Variants in TLE6 observed in about 807,000 individuals in gnomAD.
TLE6 encodes TLE family member 6, subcortical maternal complex member.
TLE6 carries 72 observed loss-of-function variants against 77.1 expected under a neutral mutation model. The observed-to-expected ratio is 0.93, with a 90% CI of 0.77 to 1.14. The LOEUF is 1.14. TLE6 is among the 50% of genes most tolerant of loss of function. TLE6 has a pLI of 0.00. For synonymous variants in TLE6, 366 were observed against 287.3 expected (o/e 1.27, Z -2.77); for missense variants, 843 against 747.6 (o/e 1.13, Z -1.49).
rs766902725 is a variant in TLE6 at position 2,980,135 on chromosome 19, G to A, written c.87G>A (p.Pro29=). 14 of 1,550,234 alleles carry A rather than the reference G, an allele frequency of 9.0e-6. No homozygotes were observed. The South Asian group carries it at 1.1e-4, about 12-fold the overall frequency. Residue 29 remains proline, a synonymous_variant, in exon 3 of 17, where the codon CCG becomes CCA. Coordinates refer to ENST00000246112, the MANE Select transcript of TLE6 (RefSeq NM_001143986.2). ...GGATCTCGAACTCTGAGAGCTCTCC[G>A]ACGCTGAATTATCAGGGCATTCTAA... The part of the protein sequence containing the change: ...CPGISNSESS[P]TLNYQGILNR...
chr19:2,988,975 A>C (rs191212359), intron 11 of TLE6, 86 bp from the exon 12 acceptor site: 27 of 1,545,836 alleles, frequency 1.7e-5, no homozygotes, highest in Non-Finnish European at 2.2e-5. Context: ...TCTGAAAAAG[A>C]AGCCCCTCTA....
chr19:2,992,011 T>A lies in TLE6; in HGVS notation c.1386+27T>A, dbSNP rs764266072. 72 of 1,609,562 alleles carry A rather than the reference T, an allele frequency of 4.5e-5. No individual in the cohort carries two copies. In the Middle Eastern group the frequency reaches 2.8e-3, roughly 63 times the overall value. ...TGCGGAGGCCGGGATGGGGTCTGCT[T>A]GGCCAGGCATCCTCTGGTCCTCAGA... On this transcript the variant is annotated intron_variant, in intron 14 of 16. Transcript: ENST00000246112.
rs1599176358 is a variant in TLE6 at position 2,994,167 on chromosome 19, CCT to C, written c.1614+73_1614+74del. 13 of 1,322,962 alleles carry C rather than the reference CCT, an allele frequency of 9.8e-6. No homozygotes were observed. The East Asian group carries it at 3.2e-4, about 32-fold the overall frequency. The allele number at this position is 1,322,962 out of a possible 1,614,324, so 82.0% of individuals were successfully genotyped here. A position where few individuals can be genotyped will look rare whatever the true frequency, so the allele number is the denominator to read the frequency against. On this transcript the variant is annotated intron_variant, in intron 16 of 16. Coordinates refer to ENST00000246112, the MANE Select transcript of TLE6 (RefSeq NM_001143986.2). ...ACCAGCCTGGGCAACACAGCAAGAC[CCT>C]GTCTCCACAAAAAACTTAAAAAGTA...
At chr19:2,980,244 C>CTA in intron 3 of TLE6, 62 bp downstream of exon 3, 1 of 1,410,636 alleles carries the variant, frequency 7.1e-7, no homozygotes, top group Non-Finnish European at 9.7e-7. Flanking sequence ...TGGCCTCTCT[C>CTA]CCGGGGGTCC....
intron 5 of TLE6, chr19:2,984,464 C>T (rs534495798): frequency 6.6e-6 from 1 of 151,936 alleles, no homozygotes; most frequent in Non-Finnish European, 1.5e-5. Flanking sequence ...GGATCACTCG[C>T]CTTGCTTTCT....
intron 13 of TLE6, among the ~76,000 whole-genome samples, chr19:2,990,271 A>C (rs1282434978): frequency 6.6e-6 from 1 of 151,782 alleles, no homozygotes; most frequent in East Asian, 1.9e-4. Flanking sequence ...TTTAATAAAA[A>C]TTAAATAGAA....
chr19:2,989,204 G>A lies in TLE6; in HGVS notation c.884G>A (p.Ser295Asn), dbSNP rs1199763375. Residue 295 changes from serine to asparagine, a missense_variant, in exon 12 of 17, where the codon AGC becomes AAC. Physicochemically the swap from Ser to Asn is conservative, Grantham distance 46. Coordinates refer to ENST00000246112, the MANE Select transcript of TLE6 (RefSeq NM_001143986.2). ...HGELVLATAISSFTRHVFTCG... is the reference protein window; with the variant it reads ...HGELVLATAINSFTRHVFTCG... ...GAGCTCGTGCTCGCCACGGCCATCAGCAGCTTCACGCGGCACGTGTTCACC... is the reference window on the plus strand; with the variant it reads ...GAGCTCGTGCTCGCCACGGCCATCAACAGCTTCACGCGGCACGTGTTCACC... 6.2e-7 allele frequency: 1 copy of A among 1,614,156 alleles called. No homozygotes were observed. Among genetic ancestry groups the A allele is most frequent in the Admixed American group, 1.7e-5 (1 of 60,022 alleles).
chr19:2,984,434 A>G (rs2088866617), intron 5 of TLE6: 1 of 147,136 alleles, frequency 6.8e-6, no homozygotes, highest in Non-Finnish European at 1.5e-5. Flanking sequence ...GCCTTTTTGT[A>G]GAAAAAAACT....
chr19:2,980,831 G>A (rs1170884590), intron 3 of TLE6, among the ~76,000 whole-genome samples: 2 of 149,820 alleles, frequency 1.3e-5, no homozygotes, highest in African/African-American at 2.5e-5. Context: ...CAGGAAGATC[G>A]CTTGAGCCCG....
chr19:2,991,004 T>G (rs1412393886), intron 13 of TLE6, among the ~76,000 whole-genome samples: 1 of 133,040 alleles, frequency 7.5e-6, no homozygotes, highest in Non-Finnish European at 1.6e-5. Context: ...CAAAAAAAAA[T>G]TTTACATACA....
Position 2,987,284 on chromosome 19 carries a change from G to A in TLE6, c.541+46G>A, listed in dbSNP as rs112856542. ...GGGGGAAGGGGCAGCCACAGGCTGC[G>A]TCTCAGGGGCTGTGCAGTGAACCCT... is the stretch of plus-strand genomic sequence containing the variant. On this transcript the variant is annotated intron_variant, in intron 7 of 16. Coordinates refer to ENST00000246112, the MANE Select transcript of TLE6 (RefSeq NM_001143986.2). The A allele has an allele frequency of 2.6e-4, 417 of 1,614,178 alleles. 1 individual carries two copies. The African/African-American group carries it at 4.1e-3, about 16-fold the overall frequency.
chr19:2,981,563 T>C lies in TLE6; in HGVS notation c.160T>C (p.Leu54=), dbSNP rs1166975867. 1 of 1,551,364 alleles carries C rather than the reference T, an allele frequency of 6.4e-7. No homozygotes were observed. Among genetic ancestry groups the C allele is most frequent in the Non-Finnish European group, 8.7e-7 (1 of 1,146,914 alleles). Residue 54 remains leucine, a synonymous_variant, in exon 4 of 17, where the codon TTG becomes CTG. Transcript: ENST00000246112. ...GTTTTCTCCTCATTTTGCTGCGGAG[T>C]TGGAGAGCATTTACTACTCGGTGAG... is the stretch of plus-strand genomic sequence containing the variant. ...PRFSPHFAAE[L]ESIYYSLHKI...
chr19:2,985,037 C>A (rs567616420), intron 5 of TLE6, among the ~76,000 whole-genome samples: 1 of 151,162 alleles, frequency 6.6e-6, no homozygotes, highest in Non-Finnish European at 1.5e-5. Flanking sequence ...GATCACCTGA[C>A]GTCAGGAGTT....
At chr19:2,991,383 T>TACACACACACAC (rs778438599) in intron 13 of TLE6, among the ~76,000 whole-genome samples, 2 of 103,458 alleles carry the variant, frequency 1.9e-5, no homozygotes, top group African/African-American at 9.8e-5. Context: ...TACGTATATA[T>TACACACACACAC]ATATATATAT....
rs2088978495 is a variant in TLE6, at chr19:2,988,995, G to A, written c.741-66G>A. 8 of 1,592,232 alleles carry A rather than the reference G, an allele frequency of 5.0e-6. No individual in the cohort carries two copies. The Admixed American group carries it at 5.1e-5, about 10-fold the overall frequency. On this transcript the variant is annotated intron_variant, in intron 11 of 16. Coordinates refer to ENST00000246112, the MANE Select transcript of TLE6 (RefSeq NM_001143986.2). Reference sequence around the variant, plus strand: ...AAAAGAAGCCCCTCTAGGCCTTGATGTGTGGCTCCCACTGGGCAAAGGGGC... The same window carrying A: ...AAAAGAAGCCCCTCTAGGCCTTGATATGTGGCTCCCACTGGGCAAAGGGGC...
intron 14 of TLE6, among the ~76,000 whole-genome samples, chr19:2,992,572 A>C (rs1206936460): frequency 6.6e-6 from 1 of 151,900 alleles, no homozygotes; most frequent in Non-Finnish European, 1.5e-5. Flanking sequence ...GGAGTTTGAG[A>C]CCAGCCTGGG....
intron 15 of TLE6, 76 bp from the exon 16 acceptor site, chr19:2,993,933 AAAAAAAAAAG>A: frequency 1.1e-6 from 1 of 914,398 alleles, no homozygotes; most frequent in African/African-American, 1.7e-5. Flanking sequence ...AAAAAAAAAA[AAAAAAAAAAG>A]GTGGGTGGGG....
chr19:2,992,795 G>T lies in TLE6; in HGVS notation c.1387-637G>T, dbSNP rs868044636. Among the ~76,000 whole-genome samples, 82 of 36,148 alleles carry T rather than the reference G, an allele frequency of 2.3e-3. 3 individuals are homozygous for T. The highest frequency in any genetic ancestry group is 6.0e-3 in the African/African-American group (79 of 13,064). 23.7% of individuals were successfully genotyped at this position (36,148 alleles called of 152,430 possible). ...ACCCTGTCTCAAAAAAAAAAAAAAG[G>T]GGGGGAGGCGGGTGGGGGGGGGGGA... On this transcript the variant is annotated intron_variant, in intron 14 of 16. Coordinates refer to ENST00000246112, the MANE Select transcript of TLE6 (RefSeq NM_001143986.2).
intron 14 of TLE6, 130 bp downstream of exon 14, chr19:2,992,114 T>C: frequency 1.9e-6 from 2 of 1,027,468 alleles, no homozygotes; most frequent in Non-Finnish European, 2.8e-6. Context: ...GGTGGGTGGA[T>C]CACCTGAGGT....
Sources: gnomAD v4.1 joint callset for allele counts (sites outside exome capture counted in the v4.1 genomes callset) on GRCh38, gnomAD v4.1.1 for gene constraint, MANE v1.5 for transcripts, NCBI Gene and HGNC (gene_info 2026-07-23, HGNC 2026-07-21) for gene names.